The following CDH16 variants were observed in gnomAD, a reference collection of about 807,000 sequenced individuals.
The protein encoded by CDH16 is cadherin 16.
CDH16 carries 79 observed loss-of-function variants against 87.6 expected under a neutral mutation model. The observed-to-expected ratio is 0.90, with a 90% confidence interval of 0.75 to 1.09. The LOEUF (loss-of-function observed/expected upper bound fraction) is 1.09. CDH16 is among the 50% of genes least tolerant of loss of function. The pLI is 0.00. For synonymous variants in CDH16, 457 were observed against 439.5 expected, an observed-to-expected ratio of 1.04 and a Z score of -0.50; for missense variants, 1,124 against 1,071.7, an observed-to-expected ratio of 1.05 and a Z score of -0.68.
intron 17 of CDH16, 23 bp from the exon 18 acceptor site, chr16:66,908,512 A>G: frequency 1.3e-6 from 2 of 1,583,680 alleles, no homozygotes; most frequent in Non-Finnish European, 1.7e-6. Context: ...AGAGGGATGT[A>G]TCAGGCCTCA....
intron 5 of CDH16, 100 bp downstream of exon 5, chr16:66,915,965 T>C (rs1962660802): frequency 2.3e-6 from 3 of 1,294,790 alleles, no homozygotes; most frequent in Non-Finnish European, 3.3e-6. Context: ...CAGAAATGGC[T>C]GCCCTGTCCT....
chr16:66,912,284 A>C lies in CDH16; in HGVS notation c.1506T>G (p.Asp502Glu), dbSNP rs778175613. 1.9e-6 allele frequency: 3 copies of C among 1,613,716 alleles called. No homozygotes were observed. The highest frequency in any genetic ancestry group is 1.7e-6 in the Non-Finnish European group (2 of 1,179,760). Reference sequence around the variant, plus strand: ...TAACATGCCCAGAGTCTGGCTCCCAATCCAGGCCAAAAGTCCCTTCTGTGT... The same window carrying C: ...TAACATGCCCAGAGTCTGGCTCCCACTCCAGGCCAAAAGTCCCTTCTGTGT... ...RGDTEGTFGL[D>E]WEPDSGHVRL... The change falls in exon 12 of 18, where the codon GAT becomes GAG. Residue 502 changes from aspartate to glutamate, a missense_variant. Physicochemically the swap from Asp to Glu is conservative, Grantham distance 45. Transcript: ENST00000299752.
Position 66,909,452 on chromosome 16 carries a change from C to A in CDH16, c.2276-69G>T. 9.4e-7 allele frequency: 1 copy of A among 1,067,036 alleles called. No homozygotes were observed. The allele number at this position is 1,067,036 out of a possible 1,614,324, so 66.1% of individuals were successfully genotyped here. A position where few individuals can be genotyped will look rare whatever the true frequency, so the allele number is the denominator to read the frequency against. On this transcript the variant is annotated intron_variant, in intron 16 of 17. Transcript: ENST00000299752. This position sits in a 1 kb window ranked among gnomAD's most constrained non-coding sequence, Gnocchi z 4.1. Reference sequence around the variant, plus strand: ...TCCCCAGCTGCTCAGAGCCCCCAGCCCAGCCACCTGGCTGATATGTGTGTG... The same window carrying A: ...TCCCCAGCTGCTCAGAGCCCCCAGCACAGCCACCTGGCTGATATGTGTGTG...
Position 66,915,351 on chromosome 16 carries a change from G to C in CDH16, c.452C>G (p.Ser151Ter), listed in dbSNP as rs775343385. The C allele has an allele frequency of 1.2e-6, 2 of 1,613,984 alleles. No homozygotes were observed. Among genetic ancestry groups the C allele is most frequent in the Non-Finnish European group, 1.7e-6 (2 of 1,179,974 alleles). Reference protein sequence around the residue: ...PGIPFLFLEASDRDEPGTANS... With the variant: ...PGIPFLFLEA ...GGCTGTGCCTGGCTCATCCCGGTCT[G>C]AAGCCTCAAGGAAGAGGAAGGGGAT... The change falls in exon 6 of 18, where the codon TCA (serine) becomes TGA (stop). Residue 151 changes from serine to a stop codon, truncating the protein, a stop_gained. Transcript: ENST00000299752. LOFTEE classifies it high-confidence loss of function.
rs1296539783 is a variant in CDH16, at chr16:66,916,853, G to C, written c.130-424C>G. Among the ~76,000 whole-genome samples the C allele has an allele frequency of 6.6e-6, 1 of 152,188 alleles. No homozygotes were observed. Among genetic ancestry groups the C allele is most frequent in the Admixed American group, 6.5e-5 (1 of 15,276 alleles). ...ATGCCGCATCTGACCTCATGTGACA[G>C]GTCACAGTCAACACATAGTCAGAAC... On this transcript the variant is annotated intron_variant, in intron 3 of 17. Coordinates refer to ENST00000299752, the MANE Select transcript of CDH16 (RefSeq NM_004062.4). The surrounding 1 kb of genome is among the most constrained non-coding windows in gnomAD (Gnocchi z 4.1).
chr16:66,909,377 A>G lies in CDH16; in HGVS notation c.2282T>C (p.Val761Ala). ...CTGCCCCTCCACGTTGCAGCGACAC[A>G]CGATCACTGAGGGGAGAGGGGAGGA... ...QMWQLLVRVI[V>A]CRCNVEGQCM... Residue 761 changes from valine (V) to alanine (A), a missense_variant, in exon 17 of 18, where the codon GTG becomes GCG. Val to Ala is a moderately conservative substitution (Grantham distance 64). Transcript: ENST00000299752. The surrounding 1 kb of genome is among the most constrained non-coding windows in gnomAD (Gnocchi z 4.1). 8.0e-7 allele frequency: 1 copy of G among 1,243,796 alleles called. No individual in the cohort carries two copies. The highest frequency in any genetic ancestry group is 1.1e-6 in the Non-Finnish European group (1 of 910,466). The allele number at this position is 1,243,796 out of a possible 1,614,324, so 77.0% of individuals were successfully genotyped here.
rs778558077 is a variant in CDH16, at chr16:66,914,305, C to G, written c.691G>C (p.Val231Leu). ...SGHQATATVE[V>L]SIIESTWVSL... ...ACCCAGGTGCTCTCTATGATGGAGACTTCCACGGTGGCAGTGGCCTGGTGG... is the reference window on the plus strand; with the variant it reads ...ACCCAGGTGCTCTCTATGATGGAGAGTTCCACGGTGGCAGTGGCCTGGTGG... The change falls in exon 7 of 18, where the codon GTC becomes CTC. Residue 231 changes from valine (V) to leucine (L), a missense_variant. Physicochemically the swap from Val to Leu is conservative, Grantham distance 32. Transcript: ENST00000299752. The G allele has an allele frequency of 1.2e-6, 2 of 1,614,228 alleles. No individual in the cohort carries two copies. The highest frequency in any genetic ancestry group is 8.5e-7 in the Non-Finnish European group (1 of 1,180,030).
chr16:66,910,491 G>A lies in CDH16; in HGVS notation c.1936C>T (p.Leu646=). The stretch of plus-strand genomic sequence containing the variant: ...ATCACCAGGGGTGCAGAAGCGCTCA[G>A]TCTCGGCTCATCTGCAGAGGAGGCA... ...VEAQDTDEPR[L]SASAPLVIHF... is the part of the protein sequence containing the mutation. Residue 646 remains leucine, a synonymous_variant, in exon 15 of 18, where the codon CTG becomes TTG. Coordinates refer to ENST00000299752, the MANE Select transcript of CDH16 (RefSeq NM_004062.4). 6.6e-7 allele frequency: 1 copy of A among 1,523,928 alleles called. No homozygotes were observed. The highest frequency in any genetic ancestry group is 8.8e-7 in the Non-Finnish European group (1 of 1,131,686). 94.4% of individuals were successfully genotyped at this position (1,523,928 alleles called of 1,614,324 possible).
rs557259417 is a variant in CDH16, at chr16:66,909,881, T to A, written c.2275+105A>T. On this transcript the variant is annotated intron_variant, in intron 16 of 17. Coordinates refer to ENST00000299752, the MANE Select transcript of CDH16 (RefSeq NM_004062.4). The surrounding 1 kb of genome is among the most constrained non-coding windows in gnomAD (Gnocchi z 4.1). ...ATAGGTGTGCAAGTGTGCACAGGCA[T>A]GTGCTGTCCACATGAGCAGCCTGTA... 1 of 789,704 alleles carries A rather than the reference T, an allele frequency of 1.3e-6. No homozygotes were observed. Among genetic ancestry groups the A allele is most frequent in the East Asian group, 2.5e-5 (1 of 40,344 alleles). The allele number at this position is 789,704 out of a possible 1,614,324, so 48.9% of individuals were successfully genotyped here.
At chr16:66,917,776 ACT>A (rs1258181842) in intron 2 of CDH16, 51 bp from the exon 3 acceptor site, 1 of 1,475,624 alleles carries the variant, frequency 6.8e-7, no homozygotes, top group Non-Finnish European at 9.4e-7. Context: ...CTGCGTGGGC[ACT>A]GAGACCCAAC....
chr16:66,914,238 A>G lies in CDH16; in HGVS notation c.758T>C (p.Leu253Pro). ...CACCTGGGCCATGTGGTGCGGGTAT[A>G]GGACTTTGAGATTCTCTGCCAGGTG... The part of the protein sequence containing the change: ...PIHLAENLKV[L>P]YPHHMAQVHW... The change falls in exon 7 of 18, where the codon CTA becomes CCA. Residue 253 changes from leucine (L) to proline (P), a missense_variant. By Grantham distance (98) the Leu-to-Pro change is moderately conservative (BLOSUM62 -3). Coordinates refer to ENST00000299752, the MANE Select transcript of CDH16 (RefSeq NM_004062.4). 1 of 1,614,160 alleles carries G rather than the reference A, an allele frequency of 6.2e-7. No individual in the cohort carries two copies.
At chr16:66,913,056 TG>T in intron 9 of CDH16, 74 bp downstream of exon 9, 1 of 1,512,808 alleles carries the variant, frequency 6.6e-7, no homozygotes, top group Non-Finnish European at 9.0e-7. Flanking sequence ...GGCCTGAGGC[TG>T]GGTCCTTATC....
In CDH16 at chr16:66,912,494, G is replaced by T; in HGVS notation, c.1359+10C>A. The T allele has an allele frequency of 1.9e-6, 3 of 1,614,134 alleles. No individual in the cohort carries two copies. The South Asian group carries it at 3.3e-5, about 18-fold the overall frequency. Reference sequence around the variant, plus strand: ...TCCTTCCCAAGGCCTTCTCCCCTGCGTCTGCTTACCTGGGAAGTGATGAAC... The same window carrying T: ...TCCTTCCCAAGGCCTTCTCCCCTGCTTCTGCTTACCTGGGAAGTGATGAAC... On this transcript the variant is annotated intron_variant, in intron 11 of 17. Transcript: ENST00000299752.
chr16:66,909,239 C>A lies in CDH16; in HGVS notation c.2392+28G>T, dbSNP rs758856595. Reference sequence around the variant, plus strand: ...GTCCCAACCACCCATCGCCCTCGCCCACGCAGGTAATGTCCAACCTCCATT... The same window carrying A: ...GTCCCAACCACCCATCGCCCTCGCCAACGCAGGTAATGTCCAACCTCCATT... On this transcript the variant is annotated intron_variant, in intron 17 of 17. Transcript: ENST00000299752. The surrounding 1 kb of genome is among the most constrained non-coding windows in gnomAD (Gnocchi z 4.1). The A allele has an allele frequency of 7.2e-7, 1 of 1,398,098 alleles. No individual in the cohort carries two copies. Among genetic ancestry groups the A allele is most frequent in the South Asian group, 1.2e-5 (1 of 86,738 alleles). 86.6% of individuals were successfully genotyped at this position (1,398,098 alleles called of 1,614,324 possible). A position where few individuals can be genotyped will look rare whatever the true frequency, so the allele number is the denominator to read the frequency against.
intron 6 of CDH16, 53 bp downstream of exon 6, chr16:66,915,167 C>T (rs1415293790): frequency 2.6e-6 from 4 of 1,516,064 alleles, no homozygotes; most frequent in African/African-American, 1.4e-5. Context: ...CAGATACCAC[C>T]TTCTCCAGCT....
At chr16:66,915,528 A>G in intron 5 of CDH16, 150 bp from the exon 6 acceptor site, 2 of 826,940 alleles carry the variant, frequency 2.4e-6, no homozygotes, top group Non-Finnish European at 3.6e-6. Flanking sequence ...CCTACTTCCC[A>G]GATGAGCAAA....
rs536088525 is a variant in CDH16 at position 66,916,718 on chromosome 16, C to G, written c.130-289G>C. 3.1e-4 allele frequency among the ~76,000 whole-genome samples: 47 copies of G among 152,234 alleles called. 1 individual carries two copies. In the South Asian group the frequency reaches 9.7e-3, roughly 32 times the overall value. ...CTCTGCTCTCCACTAGGATTAAAATCTGTTAGTCATTCCCACTGCAGGTTG... is the reference window on the plus strand; with the variant it reads ...CTCTGCTCTCCACTAGGATTAAAATGTGTTAGTCATTCCCACTGCAGGTTG... On this transcript the variant is annotated intron_variant, in intron 3 of 17. Coordinates refer to ENST00000299752, the MANE Select transcript of CDH16 (RefSeq NM_004062.4). This position sits in a 1 kb window ranked among gnomAD's most constrained non-coding sequence, Gnocchi z 4.1.
In CDH16 at chr16:66,913,563, C is replaced by T. The variant is rs762690722; in HGVS notation, c.831G>A (p.Pro277=). 30 of 1,614,032 alleles carry T rather than the reference C, an allele frequency of 1.9e-5. No individual in the cohort carries two copies. The East Asian group carries it at 3.6e-4, about 19-fold the overall frequency. ...DVHYHLESHP[P]GPFEVNAEGN... ...CCTCTGCATTCACTTCAAAGGGTCCCGGGGGATGGCTCTCCAGGTGATAGT... is the reference window on the plus strand; with the variant it reads ...CCTCTGCATTCACTTCAAAGGGTCCTGGGGGATGGCTCTCCAGGTGATAGT... The change falls in exon 8 of 18, where the codon CCG becomes CCA. Residue 277 remains proline (P), a synonymous_variant. Coordinates refer to ENST00000299752, the MANE Select transcript of CDH16 (RefSeq NM_004062.4).
Position 66,911,248 on chromosome 16 carries a change from C to T in CDH16, c.1858G>A (p.Ala620Thr), listed in dbSNP as rs748123110. 41 of 1,613,266 alleles carry T rather than the reference C, an allele frequency of 2.5e-5. No homozygotes were observed. Among genetic ancestry groups the T allele is most frequent in the South Asian group, 3.3e-5 (3 of 90,956 alleles). Residue 620 changes from alanine (A) to threonine (T), a missense_variant, in exon 14 of 18, where the codon GCC becomes ACC. Transcript: ENST00000299752. ...GGCTGGGCGCCCTGCAGGGACTGGG[C>T]GGTGTGCACCTCCCCGGAGAATTTC... ...IEKFSGEVHT[A>T]QSLQGAQPGD...
Sources: allele counts gnomAD v4.1 joint callset (sites outside exome capture counted in the v4.1 genomes callset), GRCh38; gene constraint gnomAD v4.1.1; non-coding constraint Gnocchi (gnomAD v3.1); transcripts MANE v1.5; gene names NCBI Gene and HGNC (gene_info 2026-07-23, HGNC 2026-07-21).